Variants in WNT3A observed in about 807,000 individuals in gnomAD.
WNT3A encodes Wnt family member 3A, also known as protein Wnt-3a.
In WNT3A, 17 loss-of-function variants were observed where a neutral mutation model predicts 37.0. The ratio of observed to expected loss-of-function variants is 0.46; its 90% CI spans 0.31 to 0.69. The LOEUF (loss-of-function observed/expected upper bound fraction) is 0.69, where lower values mean the gene tolerates loss of function less well. WNT3A is among the 30% of genes least tolerant of loss of function. The pLI, the probability that WNT3A is intolerant of heterozygous loss-of-function variation, is 0.05. For missense variants in WNT3A, 411 were observed against 510.2 expected (o/e 0.81, Z 1.87); for synonymous variants, 187 against 211.0 (o/e 0.89, Z 0.99).
chr1:228,030,270 T>C (rs2030968371), intron 2 of WNT3A, among the ~76,000 whole-genome samples: 1 of 150,960 alleles, frequency 6.6e-6, no homozygotes, highest in Admixed American at 6.6e-5. Context: ...GTGGTGGGCA[T>C]CTGTAATCCC....
chr1:228,047,392 G>T (rs2031447558), intron 2 of WNT3A, among the ~76,000 whole-genome samples: 2 of 152,180 alleles, frequency 1.3e-5, no homozygotes, highest in Admixed American at 1.3e-4. Flanking sequence ...CACTTTGTAT[G>T]TTCTTGTTAT....
At chr1:228,016,652 T>A (rs1304874113) in intron 1 of WNT3A, among the ~76,000 whole-genome samples, 1 of 152,196 alleles carries the variant, frequency 6.6e-6, no homozygotes, top group Non-Finnish European at 1.5e-5. Context: ...TTGTCCATTC[T>A]GCATTGCTAT....
At position 228,030,999 on chromosome 1, in the gene WNT3A, G is replaced by T. The variant is rs374370970; in HGVS notation, c.313+8091G>T. Among the ~76,000 whole-genome samples the T allele has an allele frequency of 4.2e-4, 64 of 152,376 alleles. No homozygotes were observed. In the South Asian group the frequency reaches 0.013, roughly 31 times the overall value. The stretch of plus-strand genomic sequence containing the variant: ...GCACTGACCAGGAGAGCTCCTGAGT[G>T]TGCAGCTGACACTGCCTCCAGGGCT... On this transcript the variant is annotated intron_variant, in intron 2 of 3. Transcript: ENST00000284523.
chr1:228,055,421 G>A (rs1030251995), intron 3 of WNT3A, among the ~76,000 whole-genome samples: 3 of 150,856 alleles, frequency 2.0e-5, no homozygotes, highest in Non-Finnish European at 4.4e-5. Flanking sequence ...TACAGGTAGG[G>A]ACAGGTAATA....
chr1:228,012,132 C>T (rs1180629065), intron 1 of WNT3A, among the ~76,000 whole-genome samples: 1 of 152,226 alleles, frequency 6.6e-6, no homozygotes, highest in Non-Finnish European at 1.5e-5. Flanking sequence ...GCAGCCCAGT[C>T]TTAGGGGTGG....
In WNT3A at chr1:228,030,391, A is replaced by G. The variant is rs986375756; in HGVS notation, c.313+7483A>G. The stretch of plus-strand genomic sequence containing the variant: ...AGCCTGGGCAACAGAGTGAGACTCC[A>G]TCTCAAAAAAAAAAAAAGGAAAAAT... On this transcript the variant is annotated intron_variant, in intron 2 of 3. Transcript: ENST00000284523. Among the ~76,000 whole-genome samples, 244 of 149,766 alleles carry G rather than the reference A, an allele frequency of 1.6e-3. 1 individual carries two copies. Among genetic ancestry groups the G allele is most frequent in the African/African-American group, 5.7e-3 (233 of 40,718 alleles).
At position 228,031,032 on chromosome 1, in the gene WNT3A, C is replaced by A. The variant is rs1195792287; in HGVS notation, c.313+8124C>A. ...GACACTGCCTCCAGGGCTGGTGGGGCCTGGCTGAGGCCATCCATGGGCAGG... is the reference window on the plus strand; with the variant it reads ...GACACTGCCTCCAGGGCTGGTGGGGACTGGCTGAGGCCATCCATGGGCAGG... On this transcript the variant is annotated intron_variant, in intron 2 of 3. Transcript: ENST00000284523. The surrounding 1 kb of genome is among the most constrained non-coding windows in gnomAD (Gnocchi z 4.8). Among the ~76,000 whole-genome samples the A allele has an allele frequency of 6.6e-6, 1 of 152,232 alleles. No individual in the cohort carries two copies. Among genetic ancestry groups the A allele is most frequent in the Admixed American group, 6.5e-5 (1 of 15,294 alleles).
At chr1:228,011,059 A>C (rs1204807517) in intron 1 of WNT3A, among the ~76,000 whole-genome samples, 2 of 152,132 alleles carry the variant, frequency 1.3e-5, no homozygotes, top group African/African-American at 4.8e-5. Context: ...CTGTGTCCTC[A>C]GTCCTGGTGG....
chr1:228,049,146 G>T (rs1452271448), intron 2 of WNT3A, among the ~76,000 whole-genome samples: 1 of 152,200 alleles, frequency 6.6e-6, no homozygotes, highest in East Asian at 1.9e-4. Flanking sequence ...AGTCACTGGT[G>T]TTGAGAAGAT....
chr1:228,032,355 G>T (rs2031032043), intron 2 of WNT3A, among the ~76,000 whole-genome samples: 1 of 152,336 alleles, frequency 6.6e-6, no homozygotes, highest in Admixed American at 6.5e-5. Context: ...GGGAATCCCA[G>T]CCAGCAGATT....
intron 2 of WNT3A, among the ~76,000 whole-genome samples, chr1:228,023,697 G>A (rs1451869119): frequency 6.6e-6 from 1 of 152,162 alleles, no homozygotes; most frequent in Non-Finnish European, 1.5e-5. Context: ...GAAAATCCGC[G>A]ATTTTAAAGT....
intron 1 of WNT3A, among the ~76,000 whole-genome samples, chr1:228,013,123 G>A (rs1203391802): frequency 6.6e-6 from 1 of 152,162 alleles, no homozygotes; most frequent in Non-Finnish European, 1.5e-5. Flanking sequence ...ATGTGGCCCA[G>A]GCTGGTCTCG....
Position 228,007,232 on chromosome 1 carries a change from CT to C in WNT3A, c.71+34del. ...AGCCTCCTCGCGTTCGCCCCTGCCC[CT>C]GTGCGCCGCGCCCGCAGCAGACGGT... On this transcript the variant is annotated intron_variant, in intron 1 of 3. Transcript: ENST00000284523. The surrounding 1 kb of genome is among the most constrained non-coding windows in gnomAD (Gnocchi z 6.0). The C allele has an allele frequency of 2.5e-6, 4 of 1,582,372 alleles. No individual in the cohort carries two copies. The highest frequency in any genetic ancestry group is 1.7e-4 in the Middle Eastern group (1 of 5,968).
At chr1:228,022,571 G>T in intron 1 of WNT3A, 96 bp from the exon 2 acceptor site, 5 of 1,427,026 alleles carry the variant, frequency 3.5e-6, no homozygotes, top group Non-Finnish European at 4.7e-6. Context: ...CTCGCCCCCC[G>T]AATGCACTTG....
chr1:228,046,112 A>G (rs1407065383), intron 2 of WNT3A, among the ~76,000 whole-genome samples: 1 of 151,442 alleles, frequency 6.6e-6, no homozygotes, highest in Admixed American at 6.6e-5. Flanking sequence ...AAAGAGCCCG[A>G]GGGGAGGACA....
At chr1:228,055,177 AAAATATATATATATATAT>A (rs1168137390) in intron 3 of WNT3A, among the ~76,000 whole-genome samples, 33 of 41,494 alleles carry the variant, frequency 8.0e-4, no homozygotes, top group Middle Eastern at 0.011. Flanking sequence ...AAAAAAAAAA[AAAATATATATATATATAT>A]ATATATATAT....
chr1:228,058,036 A>G (rs1181333288), intron 3 of WNT3A, among the ~76,000 whole-genome samples: 1 of 152,172 alleles, frequency 6.6e-6, no homozygotes, highest in African/African-American at 2.4e-5. Context: ...CTTTGCCTCA[A>G]GTGAGCCACC....
chr1:228,012,545 T>A (rs2030405013), intron 1 of WNT3A, among the ~76,000 whole-genome samples: 1 of 152,098 alleles, frequency 6.6e-6, no homozygotes, highest in African/African-American at 2.4e-5. Context: ...GCTCTCTCAA[T>A]GTGGACCACT....
chr1:228,059,122 C>G lies in WNT3A; in HGVS notation c.716C>G (p.Ser239Trp). The G allele has an allele frequency of 6.2e-7, 1 of 1,613,738 alleles. No homozygotes were observed. The highest frequency in any genetic ancestry group is 8.5e-7 in the Non-Finnish European group (1 of 1,179,990). Residue 239 changes from serine to tryptophan, a missense_variant, in exon 4 of 4, where the codon TCG becomes TGG. Ser to Trp is a radical substitution (Grantham distance 177). Coordinates refer to ENST00000284523, the MANE Select transcript of WNT3A (RefSeq NM_033131.4). ...CTCAAGGACAAGTACGACAGCGCCT[C>G]GGAGATGGTGGTGGAGAAGCACCGG... ...DFLKDKYDSA[S>W]EMVVEKHRES...
Sources: allele counts gnomAD v4.1 joint callset (sites outside exome capture counted in the v4.1 genomes callset), GRCh38; gene constraint gnomAD v4.1.1; non-coding constraint Gnocchi (gnomAD v3.1); transcripts MANE v1.5; gene names NCBI Gene and HGNC (gene_info 2026-07-23, HGNC 2026-07-21).